SUGCT: variants seen among roughly 807,000 people sequenced by gnomAD.
SUGCT encodes succinyl-CoA:glutarate CoA-transferase.
SUGCT carries 41 observed loss-of-function variants against 55.0 expected under a neutral mutation model. That is an observed-to-expected ratio of 0.74 (90% CI 0.58 to 0.97). The LOEUF is 0.97. SUGCT is among the 50% of genes least tolerant of loss of function. SUGCT has a pLI of 0.00. For synonymous variants in SUGCT, 187 were observed against 200.4 expected (o/e 0.93, Z 0.56); for missense variants, 568 against 547.8 (o/e 1.04, Z -0.37).
chr7:40,367,067 A>G (rs1239770133), intron 9 of SUGCT, among the ~76,000 whole-genome samples: 5 of 152,238 alleles, frequency 3.3e-5, no homozygotes, highest in South Asian at 4.2e-4. Context: ...CATATACACC[A>G]TGGAATACTA....
At chr7:40,705,692 A>G (rs1053089009) in intron 12 of SUGCT, among the ~76,000 whole-genome samples, 13 of 152,216 alleles carry the variant, frequency 8.5e-5, no homozygotes, top group African/African-American at 2.9e-4. Context: ...ATCAGAAGCT[A>G]TAGAGCTTGA....
intron 11 of SUGCT, among the ~76,000 whole-genome samples, chr7:40,468,405 A>C (rs1790235203): frequency 6.6e-6 from 1 of 151,632 alleles, no homozygotes; most frequent in African/African-American, 2.4e-5. Flanking sequence ...CCTTTCCTAA[A>C]TCCTCAATTT....
At chr7:40,616,988 G>T (rs1431758287) in intron 12 of SUGCT, among the ~76,000 whole-genome samples, 3 of 152,026 alleles carry the variant, frequency 2.0e-5, no homozygotes, top group Non-Finnish European at 2.9e-5. Context: ...TGGATTAAAG[G>T]TCAGGCATAA....
At chr7:40,636,771 TTA>T (rs1055313755) in intron 12 of SUGCT, among the ~76,000 whole-genome samples, 4 of 152,200 alleles carry the variant, frequency 2.6e-5, no homozygotes, top group Non-Finnish European at 5.9e-5. Context: ...ACATTTTATG[TTA>T]TATATAGTTT....
chr7:40,689,717 C>CA (rs1043071012), intron 12 of SUGCT, among the ~76,000 whole-genome samples: 3 of 145,424 alleles, frequency 2.1e-5, no homozygotes, highest in African/African-American at 7.7e-5. Context: ...ATTCTTGTAG[C>CA]AGCCAAACTG....
chr7:40,859,804 A>G (rs1201771976), intron 13 of SUGCT, among the ~76,000 whole-genome samples: 1 of 152,194 alleles, frequency 6.6e-6, no homozygotes, highest in Admixed American at 6.5e-5. Context: ...AACTTCTTCT[A>G]CCACCAAAAG....
At chr7:40,263,658 T>C (rs1332453859) in intron 7 of SUGCT, among the ~76,000 whole-genome samples, 2 of 152,242 alleles carry the variant, frequency 1.3e-5, no homozygotes, top group South Asian at 2.1e-4. Flanking sequence ...TTCATACTTT[T>C]CATGTTTGGA....
At chr7:40,629,960 T>A (rs1336579473) in intron 12 of SUGCT, among the ~76,000 whole-genome samples, 1 of 152,102 alleles carries the variant, frequency 6.6e-6, no homozygotes. Context: ...CCAATTTCAT[T>A]GGAGAAATAA....
the SUGCT span, among the ~76,000 whole-genome samples, chr7:40,919,354 A>G: frequency 3.9e-5 from 6 of 152,190 alleles, no homozygotes; most frequent in Admixed American, 3.3e-4. Context: ...GCATCCACCC[A>G]ATTATCTCAA....
intron 9 of SUGCT, among the ~76,000 whole-genome samples, chr7:40,343,190 A>G (rs1797143755): frequency 6.6e-6 from 1 of 152,146 alleles, no homozygotes; most frequent in Non-Finnish European, 1.5e-5. Context: ...ATGTCATCCT[A>G]ATTTATCTGT....
intron 9 of SUGCT, among the ~76,000 whole-genome samples, chr7:40,337,225 C>T (rs907895336): frequency 6.6e-5 from 10 of 152,072 alleles, no homozygotes; most frequent in Non-Finnish European, 1.2e-4. Context: ...GTATATTCTG[C>T]TGATTTGGGA....
intron 13 of SUGCT, among the ~76,000 whole-genome samples, chr7:40,833,564 C>T (rs1792807376): frequency 6.6e-6 from 1 of 152,210 alleles, no homozygotes; most frequent in African/African-American, 2.4e-5. Context: ...ACACAAACCA[C>T]TTTCAAGTTA....
At chr7:40,765,165 G>C (rs1247704184) in intron 13 of SUGCT, among the ~76,000 whole-genome samples, 2 of 151,932 alleles carry the variant, frequency 1.3e-5, no homozygotes, top group Non-Finnish European at 2.9e-5. Flanking sequence ...TTTTCTTTCT[G>C]ATCCTTTTTT....
chr7:40,150,730 A>G (rs1250948325), intron 1 of SUGCT, among the ~76,000 whole-genome samples: 8 of 152,062 alleles, frequency 5.3e-5, no homozygotes, highest in Admixed American at 4.6e-4. Context: ...GGGGAGACTG[A>G]TTTGAGTAAT....
At chr7:40,366,234 C>T (rs2151237649) in intron 9 of SUGCT, among the ~76,000 whole-genome samples, 1 of 152,132 alleles carries the variant, frequency 6.6e-6, no homozygotes, top group Middle Eastern at 3.4e-3. Flanking sequence ...AAACTGGATC[C>T]CTTCCTTACA....
chr7:40,217,568 C>G (rs945280222), intron 6 of SUGCT: 10 of 310,744 alleles, frequency 3.2e-5, no homozygotes, highest in Middle Eastern at 8.0e-4. Flanking sequence ...CCTCAGGTAT[C>G]AAAGCATCCC....
At chr7:40,409,210 C>A (rs1469998867) in intron 9 of SUGCT, among the ~76,000 whole-genome samples, 2 of 152,118 alleles carry the variant, frequency 1.3e-5, no homozygotes, top group African/African-American at 4.8e-5. Context: ...CCACCTTGGC[C>A]TCTCCAAAGT....
At position 40,413,456 on chromosome 7, in the gene SUGCT, A is replaced by T. The variant is rs187593055; in HGVS notation, c.817-35831A>T. Among the ~76,000 whole-genome samples the T allele has an allele frequency of 8.1e-3, 1,233 of 152,310 alleles. 9 individuals are homozygous for T. The highest frequency in any genetic ancestry group is 0.013 in the Admixed American group (195 of 15,306). ...AAACTCCAGATGGATTAAAGATTTA[A>T]ATGTTAAAAAAATCAAACTTTGCAT... On this transcript the variant is annotated intron_variant, in intron 9 of 13. Coordinates refer to ENST00000335693, the MANE Select transcript of SUGCT (RefSeq NM_001193313.2).
chr7:40,243,165 T>G (rs1789582648), intron 7 of SUGCT, among the ~76,000 whole-genome samples: 2 of 150,736 alleles, frequency 1.3e-5, no homozygotes, highest in African/African-American at 4.9e-5. Flanking sequence ...CATACAGAAT[T>G]TGAAGAGATT....
Sources: gnomAD v4.1 joint callset for allele counts (sites outside exome capture counted in the v4.1 genomes callset) on GRCh38, gnomAD v4.1.1 for gene constraint, MANE v1.5 for transcripts, NCBI Gene and HGNC (gene_info 2026-07-23, HGNC 2026-07-21) for gene names.